HS2ST1: variants seen among roughly 807,000 people sequenced by gnomAD.
HS2ST1 encodes the protein 2-O-sulfotransferase.
HS2ST1 carries 18 observed loss-of-function variants against 42.9 expected under a neutral mutation model. The observed-to-expected ratio is 0.42, with a 90% CI of 0.29 to 0.62. The LOEUF (loss-of-function observed/expected upper bound fraction) is 0.62, where lower values mean the gene tolerates loss of function less well. Among genes scored for constraint, HS2ST1 ranks in the 20% least tolerant of loss-of-function variants. HS2ST1 has a pLI of 0.21. For missense variants in HS2ST1, 334 were observed against 433.8 expected, an observed-to-expected ratio of 0.77 and a Z score of 2.04; for synonymous variants, 146 against 152.9, an observed-to-expected ratio of 0.95 and a Z score of 0.33.
chr1:87,047,429 A>G (rs1382623926), intron 1 of HS2ST1, among the ~76,000 whole-genome samples: 1 of 152,046 alleles, frequency 6.6e-6, no homozygotes, highest in Non-Finnish European at 1.5e-5. Context: ...AGTGAAGTCC[A>G]CTATATTGAT....
intron 1 of HS2ST1, among the ~76,000 whole-genome samples, chr1:86,968,497 C>CAG (rs1648128835): frequency 6.6e-6 from 1 of 151,990 alleles, no homozygotes; most frequent in Admixed American, 6.6e-5. Context: ...TTGAACCCTC[C>CAG]AGGCTCAAGT....
chr1:87,057,031 A>G (rs1279590488), intron 1 of HS2ST1, among the ~76,000 whole-genome samples: 1 of 152,218 alleles, frequency 6.6e-6, no homozygotes, highest in Non-Finnish European at 1.5e-5. Context: ...AATATATGGT[A>G]ATATTTTGAA....
rs1652288288 is a variant in HS2ST1 at position 87,104,588 on chromosome 1, A to G, written c.963A>G (p.Leu321=). 1.2e-6 allele frequency: 2 copies of G among 1,612,520 alleles called. No individual in the cohort carries two copies. The highest frequency in any genetic ancestry group is 1.7e-6 in the Non-Finnish European group (2 of 1,178,542). ...KMENEFYEFA[L]EQFQFIRAHA... ...AGAATGAGTTCTATGAATTTGCACT[A>G]GAGCAGTTCCAATTCATCAGAGCCC... is the stretch of plus-strand genomic sequence containing the variant. Residue 321 remains leucine, a synonymous_variant, in exon 7 of 7, where the codon CTA becomes CTG. Transcript: ENST00000370550.
In HS2ST1 at chr1:86,914,644, G is replaced by C. The variant is rs1223052845; in HGVS notation, c.-393G>C. Reference sequence around the variant, plus strand: ...CGGGGATGAGGGCGGCGCAGCCGCAGCGCCGGTGGAGGGGCGCGCGGCCGC... The same window carrying C: ...CGGGGATGAGGGCGGCGCAGCCGCACCGCCGGTGGAGGGGCGCGCGGCCGC... On this transcript the variant is annotated 5_prime_UTR_variant, in exon 1 of 7. Coordinates refer to ENST00000370550, the MANE Select transcript of HS2ST1 (RefSeq NM_012262.4). The C allele has an allele frequency of 9.4e-6, 2 of 212,708 alleles. No individual in the cohort carries two copies. The highest frequency in any genetic ancestry group is 1.9e-5 in the Non-Finnish European group (2 of 105,524). 13.2% of individuals were successfully genotyped at this position (212,708 alleles called of 1,614,324 possible). A position where few individuals can be genotyped will look rare whatever the true frequency, so the allele number is the denominator to read the frequency against.
At chr1:87,005,984 C>T (rs1222829721) in intron 1 of HS2ST1, among the ~76,000 whole-genome samples, 1 of 151,920 alleles carries the variant, frequency 6.6e-6, no homozygotes, top group African/African-American at 2.4e-5. Flanking sequence ...ATTTCTAGAG[C>T]CATATTTTTG....
At chr1:86,979,656 T>C (rs1648521715) in intron 1 of HS2ST1, among the ~76,000 whole-genome samples, 1 of 152,252 alleles carries the variant, frequency 6.6e-6, no homozygotes, top group East Asian at 1.9e-4. Context: ...TGACTAGTGC[T>C]GCCATGAACC....
At chr1:86,999,327 C>T (rs1463151815) in intron 1 of HS2ST1, among the ~76,000 whole-genome samples, 3 of 151,964 alleles carry the variant, frequency 2.0e-5, no homozygotes, top group Non-Finnish European at 2.9e-5. Flanking sequence ...TACAGGCATG[C>T]ACCGCCATGC....
At chr1:87,091,534 T>G (rs760021390) in intron 3 of HS2ST1, among the ~76,000 whole-genome samples, 1 of 151,858 alleles carries the variant, frequency 6.6e-6, no homozygotes, top group East Asian at 1.9e-4. Context: ...CCTTTGAGAA[T>G]TGGTATGGAA....
chr1:86,918,637 A>G (rs1346349250), intron 1 of HS2ST1, among the ~76,000 whole-genome samples: 1 of 152,096 alleles, frequency 6.6e-6, no homozygotes, highest in African/African-American at 2.4e-5. Context: ...GGGACAAAGA[A>G]TATACATATT....
At chr1:86,964,465 G>T (rs377633388) in intron 1 of HS2ST1, among the ~76,000 whole-genome samples, 2 of 152,202 alleles carry the variant, frequency 1.3e-5, no homozygotes, top group African/African-American at 4.8e-5. Context: ...GCGAAACCCC[G>T]TCTCCACCAA....
In HS2ST1 at chr1:87,104,453, TCCCCC is replaced by T. The variant is rs1454636675; in HGVS notation, c.845-16_845-12del. The T allele has an allele frequency of 6.3e-5, 95 of 1,505,318 alleles. No homozygotes were observed. Among genetic ancestry groups the T allele is most frequent in the Admixed American group, 5.8e-4 (33 of 57,118 alleles). 93.2% of individuals were successfully genotyped at this position (1,505,318 alleles called of 1,614,324 possible). A position where few individuals can be genotyped will look rare whatever the true frequency, so the allele number is the denominator to read the frequency against. ...AAGAATTATTTACCTTTCCTTTTTT[TCCCCC>T]TTTGTAAGTAGGAAAGAAATCTCAT... is the stretch of plus-strand genomic sequence containing the variant. On this transcript the variant is annotated splice_polypyrimidine_tract_variant and intron_variant, in intron 6 of 6. Transcript: ENST00000370550.
chr1:86,943,348 G>A (rs1056358066), intron 1 of HS2ST1, among the ~76,000 whole-genome samples: 4 of 152,110 alleles, frequency 2.6e-5, no homozygotes, highest in African/African-American at 9.7e-5. Context: ...CTTAACCAGC[G>A]TCTAGGCAAC....
intron 1 of HS2ST1, among the ~76,000 whole-genome samples, chr1:87,013,283 C>T (rs1231914963): frequency 6.6e-6 from 1 of 152,252 alleles, no homozygotes; most frequent in East Asian, 1.9e-4. Flanking sequence ...CCTCTGAAAT[C>T]TAGGTGGAGG....
chr1:87,092,962 A>T (rs1234704606), intron 4 of HS2ST1, among the ~76,000 whole-genome samples: 1 of 151,878 alleles, frequency 6.6e-6, no homozygotes, highest in African/African-American at 2.4e-5. Flanking sequence ...CACTAATATG[A>T]TATATTTTTG....
chr1:87,044,901 A>C (rs573222142), intron 1 of HS2ST1: 1 of 1,394,954 alleles, frequency 7.2e-7, no homozygotes, highest in East Asian at 2.3e-5. Context: ...ACTAAGTAGT[A>C]AGAGGGCTCT....
intron 1 of HS2ST1, among the ~76,000 whole-genome samples, chr1:87,048,685 T>C (rs1431823105): frequency 6.6e-6 from 1 of 151,986 alleles, no homozygotes; most frequent in Non-Finnish European, 1.5e-5. Flanking sequence ...CCCAGTTTGC[T>C]GAGATTTTTA....
Position 86,985,467 on chromosome 1 carries a change from C to CAT in HS2ST1, c.124+70313_124+70314dup, listed in dbSNP as rs1158371998. Reference sequence around the variant, plus strand: ...ACACATATATACACACATATATACACATATATACACATATATACACATATA... The same window carrying CAT: ...ACACATATATACACACATATATACACATATATATACACATATATACACATATA... On this transcript the variant is annotated intron_variant, in intron 1 of 6. Transcript: ENST00000370550. Among the ~76,000 whole-genome samples the CAT allele has an allele frequency of 1.6e-3, 115 of 70,126 alleles. 40 individuals carry two copies. The East Asian group carries it at 0.017, about 10-fold the overall frequency. 46.0% of individuals were successfully genotyped at this position (70,126 alleles called of 152,430 possible). A position where few individuals can be genotyped will look rare whatever the true frequency, so the allele number is the denominator to read the frequency against.
intron 1 of HS2ST1, among the ~76,000 whole-genome samples, chr1:86,978,619 G>A (rs1386057480): frequency 6.6e-6 from 1 of 152,100 alleles, no homozygotes; most frequent in Non-Finnish European, 1.5e-5. Flanking sequence ...TAGTAAGTTT[G>A]TGGTTGTATA....
intron 1 of HS2ST1, among the ~76,000 whole-genome samples, chr1:87,044,085 C>A (rs1227973192): frequency 1.3e-5 from 2 of 151,970 alleles, no homozygotes; most frequent in African/African-American, 4.8e-5. Flanking sequence ...GTAGTAAATA[C>A]TAGCACTATT....
Sources: allele counts gnomAD v4.1 joint callset (sites outside exome capture counted in the v4.1 genomes callset), GRCh38; gene constraint gnomAD v4.1.1; transcripts MANE v1.5; gene names NCBI Gene and HGNC (gene_info 2026-07-23, HGNC 2026-07-21).